The following DIAPH3 variants were observed in gnomAD, a reference collection of about 807,000 sequenced individuals.
The protein encoded by DIAPH3 is diaphanous related formin 3, also known as protein diaphanous homolog 3.
A neutral mutation model predicts 144.3 loss-of-function variants in DIAPH3; 117 were observed. That is an observed-to-expected ratio of 0.81 (90% CI 0.70 to 0.95). The LOEUF is 0.95. Ranked by LOEUF, DIAPH3 falls within the 40% of genes least tolerant of loss-of-function variation. DIAPH3 has a pLI of 0.00. For missense variants in DIAPH3, 1,421 were observed against 1,412.7 expected, an observed-to-expected ratio of 1.01 and a Z score of -0.09; for synonymous variants, 519 against 488.9, an observed-to-expected ratio of 1.06 and a Z score of -0.81.
chr13:59,690,138 C>T (rs912871764), intron 27 of DIAPH3, among the ~76,000 whole-genome samples: 12 of 152,040 alleles, frequency 7.9e-5, no homozygotes, highest in Non-Finnish European at 1.8e-4. Flanking sequence ...ATCAACTCTG[C>T]TCCTTTATTT....
intron 22 of DIAPH3, among the ~76,000 whole-genome samples, chr13:59,860,459 C>T (rs1380093229): frequency 6.6e-6 from 1 of 152,136 alleles, no homozygotes; most frequent in African/African-American, 2.4e-5. Context: ...AAAATTGAGG[C>T]CGGGCGCGGT....
intron 17 of DIAPH3, among the ~76,000 whole-genome samples, chr13:59,926,398 C>T (rs1282000575): frequency 6.6e-6 from 1 of 152,168 alleles, no homozygotes; most frequent in Non-Finnish European, 1.5e-5. Context: ...CCTTGAAATA[C>T]ATCACTAAGT....
chr13:59,804,328 T>C (rs2040085559), intron 25 of DIAPH3, among the ~76,000 whole-genome samples: 1 of 152,162 alleles, frequency 6.6e-6, no homozygotes, highest in South Asian at 2.1e-4. Context: ...GTTACCACAA[T>C]CATTTTGGTC....
At chr13:59,782,819 T>C (rs942677580) in intron 25 of DIAPH3, among the ~76,000 whole-genome samples, 1 of 151,964 alleles carries the variant, frequency 6.6e-6, no homozygotes, top group African/African-American at 2.4e-5. Flanking sequence ...GATTTAAGAG[T>C]GCCAGAGCTG....
chr13:60,092,448 C>G (rs2057970820), intron 4 of DIAPH3, among the ~76,000 whole-genome samples: 1 of 152,058 alleles, frequency 6.6e-6, no homozygotes, highest in South Asian at 2.1e-4. Context: ...GTCAGGAGAT[C>G]GAGACCATCC....
At chr13:59,824,241 T>C (rs966574677) in intron 24 of DIAPH3, among the ~76,000 whole-genome samples, 3 of 152,226 alleles carry the variant, frequency 2.0e-5, no homozygotes, top group Non-Finnish European at 4.4e-5. Flanking sequence ...CTATTATTTG[T>C]ACATGGCTAA....
intron 2 of DIAPH3, among the ~76,000 whole-genome samples, chr13:60,117,636 T>C (rs1433242997): frequency 6.6e-6 from 1 of 152,144 alleles, no homozygotes; most frequent in Non-Finnish European, 1.5e-5. Flanking sequence ...AGTTTCATTT[T>C]TTAAAAGAGA....
At chr13:59,779,165 T>G (rs2038592679) in intron 25 of DIAPH3, among the ~76,000 whole-genome samples, 2 of 152,196 alleles carry the variant, frequency 1.3e-5, no homozygotes, top group Admixed American at 6.6e-5. Context: ...AGATGGCTAT[T>G]TTTGGCCTTC....
intron 17 of DIAPH3, among the ~76,000 whole-genome samples, chr13:59,962,138 G>A (rs948486435): frequency 6.6e-6 from 1 of 152,116 alleles, no homozygotes; most frequent in Non-Finnish European, 1.5e-5. Flanking sequence ...TTAAGCTGAG[G>A]CTCAGGCCCA....
At chr13:60,005,605 C>G (rs1171155177) in intron 9 of DIAPH3, among the ~76,000 whole-genome samples, 1 of 152,096 alleles carries the variant, frequency 6.6e-6, no homozygotes, top group Admixed American at 6.5e-5. Flanking sequence ...CTCAGCTTCC[C>G]GAGTAGCTGG....
chr13:60,059,975 A>G (rs528100069), intron 4 of DIAPH3, among the ~76,000 whole-genome samples: 5 of 152,162 alleles, frequency 3.3e-5, no homozygotes, highest in South Asian at 2.1e-4. Context: ...TTGTTTTCCA[A>G]TCCCTCCAGG....
chr13:60,140,470 CCAATATGAACTATAATGA>C (rs2059401739), intron 1 of DIAPH3, among the ~76,000 whole-genome samples: 1 of 151,958 alleles, frequency 6.6e-6, no homozygotes. Flanking sequence ...CACAGTCCTA[CCAATATGAACTATAATGA>C]CATGGAAAAA....
chr13:59,672,180 A>G (rs1247503598), intron 27 of DIAPH3, among the ~76,000 whole-genome samples: 1 of 152,224 alleles, frequency 6.6e-6, no homozygotes, highest in Non-Finnish European at 1.5e-5. Context: ...GCCCTTGGGG[A>G]AGACTTCTCT....
Position 59,942,648 on chromosome 13 carries a change from C to G in DIAPH3, c.2075-17778G>C, listed in dbSNP as rs2048592369. ...CTATTGAAATGATAGTTATTGTTAA[C>G]AAAAGCTACTGCTGGTAGCCTTCTG... On this transcript the variant is annotated intron_variant, in intron 17 of 27. Transcript: ENST00000400324. Among the ~76,000 whole-genome samples, 3 of 152,040 alleles carry G rather than the reference C, an allele frequency of 2.0e-5. No individual in the cohort carries two copies. The South Asian group carries it at 6.2e-4, about 32-fold the overall frequency.
At chr13:59,795,065 ATC>A (rs771134306) in intron 25 of DIAPH3, among the ~76,000 whole-genome samples, 9 of 152,216 alleles carry the variant, frequency 5.9e-5, no homozygotes, top group Non-Finnish European at 1.2e-4. Context: ...AGCTCCACAC[ATC>A]TCCTCACTCT....
chr13:59,806,833 T>C (rs1238557785), intron 25 of DIAPH3, among the ~76,000 whole-genome samples: 1 of 151,876 alleles, frequency 6.6e-6, no homozygotes, highest in African/African-American at 2.4e-5. Context: ...TAGTACAATG[T>C]CTTTATTGAA....
intron 2 of DIAPH3, among the ~76,000 whole-genome samples, chr13:60,113,103 G>A (rs763762157): frequency 1.3e-5 from 2 of 151,974 alleles, no homozygotes; most frequent in African/African-American, 4.8e-5. Flanking sequence ...TTCTCACCAC[G>A]TATACTGTAT....
At chr13:60,085,597 T>C (rs755313971) in intron 4 of DIAPH3, among the ~76,000 whole-genome samples, 5 of 152,164 alleles carry the variant, frequency 3.3e-5, no homozygotes, top group Non-Finnish European at 7.4e-5. Context: ...TTCTACTGGA[T>C]ATCAAGATCA....
intron 17 of DIAPH3, among the ~76,000 whole-genome samples, chr13:59,957,443 C>A (rs2049477519): frequency 6.6e-6 from 1 of 152,166 alleles, no homozygotes; most frequent in African/African-American, 2.4e-5. Flanking sequence ...GGCTTTTGCT[C>A]CTCCTTTGCC....
Sources: allele counts gnomAD v4.1 joint callset (sites outside exome capture counted in the v4.1 genomes callset), GRCh38; gene constraint gnomAD v4.1.1; transcripts MANE v1.5; gene names NCBI Gene and HGNC (gene_info 2026-07-23, HGNC 2026-07-21).